SOX5: variants seen among roughly 807,000 people sequenced by gnomAD.
SOX5 encodes transcription factor SOX-5.
SOX5 carries 9 observed loss-of-function variants against 92.0 expected under a neutral mutation model. That is an observed-to-expected ratio of 0.10 (90% CI 0.06 to 0.17). The LOEUF is 0.17. Ranked by LOEUF, SOX5 falls within the 10% of genes least tolerant of loss-of-function variation. The pLI, the probability that SOX5 is intolerant of heterozygous loss-of-function variation, is 1.00. For missense variants in SOX5, 642 were observed against 944.5 expected, an observed-to-expected ratio of 0.68 and a Z score of 4.20; for synonymous variants, 344 against 336.3, an observed-to-expected ratio of 1.02 and a Z score of -0.25.
intron 4 of SOX5, among the ~76,000 whole-genome samples, chr12:23,956,742 G>C (rs1247477942): frequency 6.6e-6 from 1 of 152,166 alleles, no homozygotes; most frequent in Middle Eastern, 3.4e-3. Context: ...CTGGAGTGCA[G>C]TGGTGTGACC....
intron 1 of SOX5, among the ~76,000 whole-genome samples, chr12:24,553,343 A>C (rs74070949): frequency 2.5e-4 from 38 of 152,306 alleles, no homozygotes; most frequent in African/African-American, 8.9e-4. Context: ...ATCTGATAGG[A>C]GGGCTGGGAG....
chr12:23,719,532 G>C (rs1457934888), intron 6 of SOX5, among the ~76,000 whole-genome samples: 1 of 152,050 alleles, frequency 6.6e-6, no homozygotes, highest in African/African-American at 2.4e-5. Context: ...GAACCCTTAA[G>C]GCCAGAAGTT....
intron 1 of SOX5, among the ~76,000 whole-genome samples, chr12:23,911,112 A>C (rs1025944863): frequency 6.6e-6 from 1 of 152,090 alleles, no homozygotes; most frequent in Non-Finnish European, 1.5e-5. Context: ...CAGAAGTGAA[A>C]TACAGAAGAA....
intron 12 of SOX5, among the ~76,000 whole-genome samples, chr12:23,545,900 C>G (rs140867851): frequency 4.6e-5 from 7 of 151,544 alleles, no homozygotes; most frequent in African/African-American, 1.5e-4. Flanking sequence ...AATTGCTGGG[C>G]ATGTTGGCAT....
intron 1 of SOX5, among the ~76,000 whole-genome samples, chr12:24,403,357 G>A (rs1273133505): frequency 6.6e-6 from 1 of 152,112 alleles, no homozygotes; most frequent in East Asian, 1.9e-4. Context: ...TCTCCTTAAG[G>A]ACGGAAACCT....
At chr12:24,463,335 A>G (rs1163823047) in intron 1 of SOX5, among the ~76,000 whole-genome samples, 1 of 152,192 alleles carries the variant, frequency 6.6e-6, no homozygotes, top group Non-Finnish European at 1.5e-5. Context: ...CAGAATTTCA[A>G]TTGCTACTCT....
chr12:23,720,631 CTA>C (rs2092762821), intron 6 of SOX5, among the ~76,000 whole-genome samples: 1 of 152,026 alleles, frequency 6.6e-6, no homozygotes, highest in South Asian at 2.1e-4. Flanking sequence ...AATACAGAGA[CTA>C]TTATGAACCA....
At chr12:24,124,933 G>A (rs893749759) in intron 4 of SOX5, among the ~76,000 whole-genome samples, 1 of 152,126 alleles carries the variant, frequency 6.6e-6, no homozygotes, top group African/African-American at 2.4e-5. Flanking sequence ...TCTAAATAAT[G>A]TAGTGATATC....
chr12:24,450,090 T>C (rs986656420), intron 1 of SOX5, among the ~76,000 whole-genome samples: 21 of 152,218 alleles, frequency 1.4e-4, no homozygotes, highest in Admixed American at 5.2e-4. Flanking sequence ...CTGGGTATTA[T>C]TATAAATAGG....
At chr12:23,553,471 G>A (rs1473026357) in intron 11 of SOX5, among the ~76,000 whole-genome samples, 2 of 152,010 alleles carry the variant, frequency 1.3e-5, no homozygotes, top group Non-Finnish European at 2.9e-5. Flanking sequence ...TACTATCACA[G>A]TAAAATATGG....
intron 4 of SOX5, among the ~76,000 whole-genome samples, chr12:24,207,225 G>A (rs950060669): frequency 2.6e-5 from 4 of 152,268 alleles, no homozygotes; most frequent in Middle Eastern, 3.4e-3. Context: ...GGCAACATTC[G>A]CCATCACTTC....
At chr12:23,896,151 A>T in intron 1 of SOX5, 127 bp from the exon 2 acceptor site, 1 of 656,064 alleles carries the variant, frequency 1.5e-6, no homozygotes, top group Non-Finnish European at 2.7e-6. Context: ...GAAACCATCC[A>T]AATACCACTG....
Position 23,625,020 on chromosome 12 carries a change from G to A in SOX5, c.1017+15792C>T, listed in dbSNP as rs533433583. ...TATATATGTATAATATACCATATGC[G>A]TATAAAGAATGAATAGCAAATGTTT... On this transcript the variant is annotated intron_variant, in intron 8 of 14. Transcript: ENST00000451604. Among the ~76,000 whole-genome samples the A allele has an allele frequency of 1.9e-4, 29 of 152,088 alleles. No individual in the cohort carries two copies. The South Asian group carries it at 2.3e-3, about 12-fold the overall frequency.
At chr12:23,652,071 A>G (rs1190452177) in intron 7 of SOX5, among the ~76,000 whole-genome samples, 1 of 152,028 alleles carries the variant, frequency 6.6e-6, no homozygotes, top group African/African-American at 2.4e-5. Context: ...TAAATTGTTA[A>G]AAACTAGTGA....
chr12:24,329,885 T>C (rs1951101890), intron 2 of SOX5, among the ~76,000 whole-genome samples: 1 of 152,078 alleles, frequency 6.6e-6, no homozygotes, highest in African/African-American at 2.4e-5. Flanking sequence ...TAGCCAGGTG[T>C]GGTAGAACAT....
intron 2 of SOX5, among the ~76,000 whole-genome samples, chr12:23,847,001 A>C (rs1269184430): frequency 6.6e-6 from 1 of 152,110 alleles, no homozygotes. Context: ...ATCTTTTTAT[A>C]GTCTATTGTC....
chr12:23,775,279 T>A (rs1186942915), intron 3 of SOX5, among the ~76,000 whole-genome samples: 1 of 152,214 alleles, frequency 6.6e-6, no homozygotes, highest in African/African-American at 2.4e-5. Flanking sequence ...AATTATTTAA[T>A]TTTCAAAAAA....
At chr12:23,611,187 T>C (rs1282482262) in intron 8 of SOX5, among the ~76,000 whole-genome samples, 1 of 152,144 alleles carries the variant, frequency 6.6e-6, no homozygotes, top group East Asian at 1.9e-4. Context: ...ACTATTCTAC[T>C]CTCTCCTTCC....
chr12:23,608,213 C>T (rs2075517546), intron 8 of SOX5, among the ~76,000 whole-genome samples: 1 of 138,676 alleles, frequency 7.2e-6, no homozygotes, highest in Non-Finnish European at 1.5e-5. Flanking sequence ...CGCAGAATAA[C>T]AGAATAACTT....
Sources: gnomAD v4.1 joint callset for allele counts (sites outside exome capture counted in the v4.1 genomes callset) on GRCh38, gnomAD v4.1.1 for gene constraint, MANE v1.5 for transcripts, NCBI Gene and HGNC (gene_info 2026-07-23, HGNC 2026-07-21) for gene names.